Variants in BCAS3 observed in about 807,000 individuals in gnomAD.
The protein encoded by BCAS3 is BCAS3 microtubule associated cell migration factor, also known as BCAS4/BCAS3 fusion.
In BCAS3, 53 loss-of-function variants were observed where a neutral mutation model predicts 116.1. That is an observed-to-expected ratio of 0.46 (90% CI 0.37 to 0.57). The LOEUF is 0.57. Ranked by LOEUF, BCAS3 falls within the 20% of genes least tolerant of loss-of-function variation. The pLI, the probability that BCAS3 is intolerant of heterozygous loss-of-function variation, is 0.00. For synonymous variants in BCAS3, 391 were observed against 408.2 expected, an observed-to-expected ratio of 0.96 and a Z score of 0.51; for missense variants, 917 against 1,165.4, an observed-to-expected ratio of 0.79 and a Z score of 3.10.
chr17:61,012,824 T>A lies in BCAS3; in HGVS notation c.1487-2927T>A, dbSNP rs1468899725. ...AAACCACAGATTTGGAACTTCTCAG[T>A]GAATCACTTCATTTTCCTAGACCAC... On this transcript the variant is annotated intron_variant, in intron 15 of 23. Coordinates refer to ENST00000407086, the MANE Select transcript of BCAS3 (RefSeq NM_017679.5). The surrounding 1 kb of genome is among the most constrained non-coding windows in gnomAD (Gnocchi z 4.5). 1.3e-5 allele frequency among the ~76,000 whole-genome samples: 2 copies of A among 152,094 alleles called. No homozygotes were observed. The highest frequency in any genetic ancestry group is 3.8e-4 in the East Asian group (2 of 5,196).
Position 61,224,675 on chromosome 17 carries a change from A to T in BCAS3, c.2425+140111A>T, listed in dbSNP as rs774087302. ...TTCTGCAACCTCGGGCACATTCCTCATCATCTCTCTACTTCAGTTTCTTGG... is the reference window on the plus strand; with the variant it reads ...TTCTGCAACCTCGGGCACATTCCTCTTCATCTCTCTACTTCAGTTTCTTGG... On this transcript the variant is annotated intron_variant, in intron 22 of 23. Transcript: ENST00000407086. This position sits in a 1 kb window ranked among gnomAD's most constrained non-coding sequence, Gnocchi z 5.7. Among the ~76,000 whole-genome samples, 11 of 152,230 alleles carry T rather than the reference A, an allele frequency of 7.2e-5. No individual in the cohort carries two copies. Among genetic ancestry groups the T allele is most frequent in the Non-Finnish European group, 1.5e-4 (10 of 68,040 alleles).
At chr17:60,701,942 C>T (rs934381378) in intron 4 of BCAS3, among the ~76,000 whole-genome samples, 1 of 151,880 alleles carries the variant, frequency 6.6e-6, no homozygotes, top group Non-Finnish European at 1.5e-5. Flanking sequence ...CCAGTGCACT[C>T]CAGCCTGGGT....
At position 61,192,106 on chromosome 17, in the gene BCAS3, C is replaced by T. The variant is rs145051447; in HGVS notation, c.2425+107542C>T. Among the ~76,000 whole-genome samples, 535 of 151,526 alleles carry T rather than the reference C, an allele frequency of 3.5e-3. 4 individuals carry two copies. The highest frequency in any genetic ancestry group is 0.012 in the African/African-American group (516 of 41,350). On this transcript the variant is annotated intron_variant, in intron 22 of 23. Transcript: ENST00000407086. The stretch of plus-strand genomic sequence containing the variant: ...CTAAAACTTACAAAAATTAGCTGGG[C>T]GTGGTGGTGGGTGCCTGTAATCCCA...
rs1568886658 is a variant in BCAS3, at chr17:61,337,866, G to A, written c.2426-30461G>A. On this transcript the variant is annotated intron_variant, in intron 22 of 23. Coordinates refer to ENST00000407086, the MANE Select transcript of BCAS3 (RefSeq NM_017679.5). The surrounding 1 kb of genome is among the most constrained non-coding windows in gnomAD (Gnocchi z 4.8). ...GTGAATATTTCCACCAGTCCTGCAA[G>A]GAAGATAGTTCTATCCCATTTTATA... Among the ~76,000 whole-genome samples, 1 of 152,144 alleles carries A rather than the reference G, an allele frequency of 6.6e-6. No individual in the cohort carries two copies. Among genetic ancestry groups the A allele is most frequent in the Admixed American group, 6.5e-5 (1 of 15,282 alleles).
rs2057598855 is a variant in BCAS3, at chr17:61,347,908, TCTGGAAAGCTG to T, written c.2426-20416_2426-20406del. 6.6e-6 allele frequency among the ~76,000 whole-genome samples: 1 copy of T among 151,856 alleles called. No homozygotes were observed. The highest frequency in any genetic ancestry group is 6.6e-5 in the Admixed American group (1 of 15,244). ...GCAAGGTGGGGTGTAGCGTTCAGAG[TCTGGAAAGCTG>T]CTAGAGGCCAGATGATAGACAGTTG... On this transcript the variant is annotated intron_variant, in intron 22 of 23. Transcript: ENST00000407086. The surrounding 1 kb of genome is among the most constrained non-coding windows in gnomAD (Gnocchi z 4.3).
At chr17:60,736,538 A>G (rs1034486643) in intron 5 of BCAS3, among the ~76,000 whole-genome samples, 13 of 152,004 alleles carry the variant, frequency 8.6e-5, no homozygotes, top group Admixed American at 2.6e-4. Flanking sequence ...TCCTAAAATG[A>G]TTTAGGAAGC....
In BCAS3 at chr17:60,713,327, T is replaced by C. The variant is rs746226096; in HGVS notation, c.321+4002T>C. Among the ~76,000 whole-genome samples the C allele has an allele frequency of 3.5e-4, 54 of 152,268 alleles. 1 individual carries two copies. The highest frequency in any genetic ancestry group is 6.0e-4 in the Non-Finnish European group (41 of 68,052). ...TAGTTATCTTTTACATTTTACTTTGTTAGCCATTACTCTGTCAGAACCCTT... is the reference window on the plus strand; with the variant it reads ...TAGTTATCTTTTACATTTTACTTTGCTAGCCATTACTCTGTCAGAACCCTT... On this transcript the variant is annotated intron_variant, in intron 5 of 23. Coordinates refer to ENST00000407086, the MANE Select transcript of BCAS3 (RefSeq NM_017679.5).
intron 8 of BCAS3, 147 bp from the exon 9 acceptor site, chr17:60,874,515 C>T (rs1000163436): frequency 1.9e-6 from 1 of 536,220 alleles, no homozygotes; most frequent in African/African-American, 1.9e-5. Flanking sequence ...AAGTTTCTAG[C>T]CTAAATATTA....
At chr17:60,986,381 G>A (rs189834781) in intron 14 of BCAS3, among the ~76,000 whole-genome samples, 8 of 152,154 alleles carry the variant, frequency 5.3e-5, no homozygotes, top group South Asian at 2.1e-4. Context: ...TGGATCATAC[G>A]GTAGCTCTAG....
chr17:61,220,898 A>G lies in BCAS3; in HGVS notation c.2425+136334A>G, dbSNP rs1320266508. Among the ~76,000 whole-genome samples, 5 of 152,198 alleles carry G rather than the reference A, an allele frequency of 3.3e-5. No homozygotes were observed. The highest frequency in any genetic ancestry group is 7.3e-5 in the Non-Finnish European group (5 of 68,032). ...GGTGGATCACGAGGTCAGGAGATCG[A>G]GACCATCCTGGCCAACACGGTGAAA... On this transcript the variant is annotated intron_variant, in intron 22 of 23. Coordinates refer to ENST00000407086, the MANE Select transcript of BCAS3 (RefSeq NM_017679.5). The surrounding 1 kb of genome is among the most constrained non-coding windows in gnomAD (Gnocchi z 4.5).
chr17:60,854,957 T>G (rs1217611556), intron 7 of BCAS3, among the ~76,000 whole-genome samples: 1 of 142,364 alleles, frequency 7.0e-6, no homozygotes, highest in East Asian at 2.0e-4. Flanking sequence ...AGGTTTTTTT[T>G]TTTTTTTTTT....
intron 3 of BCAS3, among the ~76,000 whole-genome samples, chr17:60,687,343 C>T (rs2034204142): frequency 6.6e-6 from 1 of 152,170 alleles, no homozygotes. Context: ...GTGGCTCACA[C>T]CTGTAATCCC....
At chr17:60,824,963 C>T (rs760882164) in intron 7 of BCAS3, among the ~76,000 whole-genome samples, 9 of 152,020 alleles carry the variant, frequency 5.9e-5, no homozygotes, top group Non-Finnish European at 1.0e-4. Context: ...CCCAGGAGTT[C>T]GAAACCATCC....
At chr17:60,702,615 C>T (rs767410156) in intron 4 of BCAS3, among the ~76,000 whole-genome samples, 10 of 151,976 alleles carry the variant, frequency 6.6e-5, no homozygotes, top group African/African-American at 9.7e-5. Flanking sequence ...TTTGAGACAG[C>T]GTCTTCCTCT....
At chr17:61,314,354 C>T (rs1451095886) in intron 22 of BCAS3, among the ~76,000 whole-genome samples, 1 of 152,212 alleles carries the variant, frequency 6.6e-6, no homozygotes, top group Non-Finnish European at 1.5e-5. Flanking sequence ...GTAAACAGTG[C>T]CCACAGAGCT....
intron 22 of BCAS3, among the ~76,000 whole-genome samples, chr17:61,153,599 C>T (rs1437050820): frequency 6.6e-6 from 1 of 152,164 alleles, no homozygotes; most frequent in African/African-American, 2.4e-5. Context: ...AAATGGACTA[C>T]AGTTTCTTTA....
chr17:61,044,465 A>AAAATATATATATATAT lies in BCAS3; in HGVS notation c.2029+3574_2029+3575insAATATATATATATATA. Reference sequence around the variant, plus strand: ...CTGTCTCAAAAAAAAAAAAAAAAAAAATATATATATATATGCCATAAGAAC... The same window carrying AAAATATATATATATAT: ...CTGTCTCAAAAAAAAAAAAAAAAAAAAAATATATATATATATATATATATATATATGCCATAAGAAC... On this transcript the variant is annotated intron_variant, in intron 19 of 23. Coordinates refer to ENST00000407086, the MANE Select transcript of BCAS3 (RefSeq NM_017679.5). Among the ~76,000 whole-genome samples the AAAATATATATATATAT allele has an allele frequency of 1.6e-3, 188 of 120,000 alleles. 2 individuals carry two copies. The highest frequency in any genetic ancestry group is 8.7e-3 in the African/African-American group (174 of 19,938). The allele number at this position is 120,000 out of a possible 152,430, so 78.7% of individuals were successfully genotyped here.
At chr17:60,938,955 T>C (rs756560863) in intron 13 of BCAS3, among the ~76,000 whole-genome samples, 55 of 152,336 alleles carry the variant, frequency 3.6e-4, no homozygotes, top group Non-Finnish European at 7.2e-4. Context: ...GGTGAAGTTA[T>C]GGAGCTTGTG....
At chr17:60,689,664 A>G (rs752722438) in intron 3 of BCAS3, 22 bp from the exon 4 acceptor site, 3 of 1,538,768 alleles carry the variant, frequency 1.9e-6, no homozygotes, top group South Asian at 1.2e-5. Flanking sequence ...TGTTTATTCA[A>G]ATGTTTCTGT....
Sources: gnomAD v4.1 joint callset for allele counts (sites outside exome capture counted in the v4.1 genomes callset) on GRCh38, gnomAD v4.1.1 for gene constraint, Gnocchi (gnomAD v3.1) non-coding constraint, MANE v1.5 for transcripts, NCBI Gene and HGNC (gene_info 2026-07-23, HGNC 2026-07-21) for gene names.